Variants in EFCAB5 observed in about 807,000 individuals in gnomAD.
EFCAB5 encodes the protein EF-hand calcium-binding domain-containing protein 5.
EFCAB5 carries 131 observed loss-of-function variants against 167.9 expected under a neutral mutation model. The observed-to-expected ratio is 0.78, with a 90% CI of 0.68 to 0.90. The LOEUF (loss-of-function observed/expected upper bound fraction) is 0.90, where lower values mean the gene tolerates loss of function less well. Among genes scored for constraint, EFCAB5 ranks in the 40% least tolerant of loss-of-function variants. The probability of loss-of-function intolerance (pLI) is 0.00; values close to 1 mark genes in which losing one functional copy is unlikely to be tolerated. For missense variants in EFCAB5, 1,663 were observed against 1,745.2 expected (o/e 0.95, Z 0.84); for synonymous variants, 574 against 602.8 (o/e 0.95, Z 0.70).
intron 19 of EFCAB5, among the ~76,000 whole-genome samples, chr17:30,087,963 T>C (rs1207317918): frequency 1.3e-5 from 2 of 152,180 alleles, no homozygotes; most frequent in Non-Finnish European, 2.9e-5. Flanking sequence ...CTCTTGTTTT[T>C]TGACTTAAGA....
chr17:29,994,656 A>G (rs2068506355), intron 5 of EFCAB5, among the ~76,000 whole-genome samples: 1 of 152,208 alleles, frequency 6.6e-6, no homozygotes, highest in South Asian at 2.1e-4. Flanking sequence ...CAGGCCTGTA[A>G]TCCCAGCACT....
chr17:30,102,645 A>T (rs980483223), intron 22 of EFCAB5, among the ~76,000 whole-genome samples: 3 of 152,136 alleles, frequency 2.0e-5, no homozygotes, highest in African/African-American at 7.2e-5. Flanking sequence ...CTAGAAAAGC[A>T]TTATCCATTC....
intron 3 of EFCAB5, among the ~76,000 whole-genome samples, chr17:29,960,373 G>A (rs2067697490): frequency 6.6e-6 from 1 of 152,110 alleles, no homozygotes; most frequent in Admixed American, 6.5e-5. Flanking sequence ...CCTGTGAGGG[G>A]GATGATCACT....
chr17:30,089,130 C>T lies in EFCAB5; in HGVS notation c.3684-1291C>T, dbSNP rs147291647. Among the ~76,000 whole-genome samples, 1,447 of 152,114 alleles carry T rather than the reference C, an allele frequency of 9.5e-3. 16 individuals are homozygous for T. The highest frequency in any genetic ancestry group is 0.03 in the African/African-American group (1,234 of 41,476). Reference sequence around the variant, plus strand: ...GACAGGCCCCGGTGTGTGATGTTCCCCACCCTGTGTCCAAGTGTTCTCATT... The same window carrying T: ...GACAGGCCCCGGTGTGTGATGTTCCTCACCCTGTGTCCAAGTGTTCTCATT... On this transcript the variant is annotated intron_variant, in intron 19 of 22. Coordinates refer to ENST00000394835, the MANE Select transcript of EFCAB5 (RefSeq NM_198529.4).
intron 22 of EFCAB5, among the ~76,000 whole-genome samples, chr17:30,096,093 T>C (rs1358823459): frequency 1.3e-5 from 2 of 152,228 alleles, no homozygotes. Context: ...AGACAAGTAC[T>C]CATACAATGC....
At chr17:29,963,060 GC>G (rs2067753331) in intron 3 of EFCAB5, among the ~76,000 whole-genome samples, 1 of 151,944 alleles carries the variant, frequency 6.6e-6, no homozygotes, top group Non-Finnish European at 1.5e-5. Flanking sequence ...TCCCACCTTA[GC>G]CCCCCAAGTA....
rs751513300 is a variant in EFCAB5, at chr17:30,053,535, A to G, written c.1581A>G (p.Gln527=). 3.7e-6 allele frequency: 6 copies of G among 1,613,940 alleles called. No individual in the cohort carries two copies. The Admixed American group carries it at 5.0e-5, about 13-fold the overall frequency. Residue 527 remains glutamine (Q), a synonymous_variant, in exon 10 of 23, where the codon CAA becomes CAG. Coordinates refer to ENST00000394835, the MANE Select transcript of EFCAB5 (RefSeq NM_198529.4). ...GPQRISIEEQ[Q]QGKKPTAEQE... is the part of the protein sequence containing the mutation. ...AAAGAATTTCAATTGAAGAACAACA[A>G]CAAGGCAAAAAGCCAACTGCAGAGC...
At position 30,080,809 on chromosome 17, in the gene EFCAB5, G is replaced by C. The variant is rs769352054; in HGVS notation, c.3254G>C (p.Gly1085Ala). ...PIHVPQVQYH[G>A]NIFFWNQSRN... ...CATGTTCCCCAAGTTCAGTACCATG[G>C]GAACATCTTCTTCTGGAACCAGTCC... Residue 1085 changes from glycine to alanine, a missense_variant, in exon 17 of 23, where the codon GGG becomes GCG. Gly to Ala is a moderately conservative substitution (Grantham distance 60). Coordinates refer to ENST00000394835, the MANE Select transcript of EFCAB5 (RefSeq NM_198529.4). The C allele has an allele frequency of 1.2e-6, 2 of 1,612,940 alleles. No individual in the cohort carries two copies. The highest frequency in any genetic ancestry group is 1.7e-6 in the Non-Finnish European group (2 of 1,179,566).
intron 22 of EFCAB5, among the ~76,000 whole-genome samples, chr17:30,105,266 C>A (rs1276303360): frequency 6.6e-6 from 1 of 152,062 alleles, no homozygotes; most frequent in Non-Finnish European, 1.5e-5. Context: ...GAGGCCGGAT[C>A]ATCTGAGGTC....
At chr17:30,096,036 T>C (rs1472373742) in intron 22 of EFCAB5, among the ~76,000 whole-genome samples, 1 of 152,210 alleles carries the variant, frequency 6.6e-6, no homozygotes, top group Non-Finnish European at 1.5e-5. Flanking sequence ...TCCTTTGTCC[T>C]GGCAAGAGCC....
intron 8 of EFCAB5, among the ~76,000 whole-genome samples, chr17:30,041,949 C>T (rs1275623411): frequency 1.3e-5 from 2 of 151,976 alleles, no homozygotes; most frequent in Non-Finnish European, 2.9e-5. Context: ...ATCTATGGTA[C>T]ACTTAAGAGA....
rs558583188 is a variant in EFCAB5, at chr17:30,069,159, A to G, written c.2738-9056A>G. 25 of 1,544,138 alleles carry G rather than the reference A, an allele frequency of 1.6e-5. No individual in the cohort carries two copies. The South Asian group carries it at 2.6e-4, about 16-fold the overall frequency. ...TGGAACCAGAACCAAATGCAAAGAC[A>G]AGAGAATCCACATCTTCTGAGAAAG... On this transcript the variant is annotated intron_variant, in intron 14 of 22. Transcript: ENST00000394835.
intron 7 of EFCAB5, among the ~76,000 whole-genome samples, chr17:30,024,567 A>G (rs1052737008): frequency 6.6e-6 from 1 of 152,102 alleles, no homozygotes; most frequent in Non-Finnish European, 1.5e-5. Flanking sequence ...TTCCATGCTC[A>G]TGGGTAGGAA....
In EFCAB5 at chr17:30,078,377, G is replaced by T. The variant is rs761836070; in HGVS notation, c.2900G>T (p.Arg967Met). The T allele has an allele frequency of 1.2e-6, 2 of 1,614,020 alleles. No homozygotes were observed. Among genetic ancestry groups the T allele is most frequent in the South Asian group, 2.2e-5 (2 of 91,084 alleles). ...GAATTTCTGATGAATGCTTTAGAGAGGAGCCACATTGAGAGTCTGAGGAAT... is the reference window on the plus strand; with the variant it reads ...GAATTTCTGATGAATGCTTTAGAGATGAGCCACATTGAGAGTCTGAGGAAT... ...VVEFLMNALE[R>M]SHIESLRNSA... The change falls in exon 15 of 23, where the codon AGG becomes ATG. Residue 967 changes from arginine (R) to methionine (M), a missense_variant. Transcript: ENST00000394835.
chr17:30,009,741 G>C (rs1246498053), intron 7 of EFCAB5, among the ~76,000 whole-genome samples: 1 of 151,940 alleles, frequency 6.6e-6, no homozygotes, highest in Non-Finnish European at 1.5e-5. Context: ...CTGTTCTCTT[G>C]GGAGTGGAAT....
chr17:30,036,049 T>C (rs946837745), intron 8 of EFCAB5, among the ~76,000 whole-genome samples: 1 of 144,360 alleles, frequency 6.9e-6, no homozygotes, highest in African/African-American at 2.5e-5. Flanking sequence ...TTTGTATATA[T>C]TTTATATATA....
chr17:29,981,168 G>A (rs1311313901), intron 4 of EFCAB5, among the ~76,000 whole-genome samples: 1 of 152,048 alleles, frequency 6.6e-6, no homozygotes, highest in Admixed American at 6.6e-5. Context: ...GTTCCCCAAT[G>A]TGAACCCTTT....
In EFCAB5 at chr17:29,943,629, T is replaced by C. The variant is rs1229769880; in HGVS notation, c.170T>C (p.Met57Thr). The change falls in exon 3 of 23, where the codon ATG becomes ACG. Residue 57 changes from methionine to threonine, a missense_variant. Physicochemically the swap from Met to Thr is moderately conservative, Grantham distance 81. Transcript: ENST00000394835. ...ACCAACAGTGTGGTGGAGAAAGCAATGGATGAAATCAAATCCCAAGGTAGA... is the reference window on the plus strand; with the variant it reads ...ACCAACAGTGTGGTGGAGAAAGCAACGGATGAAATCAAATCCCAAGGTAGA... ...EDTNSVVEKA[M>T]DEIKSQELNL... is the part of the protein sequence containing the mutation. 1.3e-6 allele frequency: 2 copies of C among 1,581,088 alleles called. No homozygotes were observed. Among genetic ancestry groups the C allele is most frequent in the East Asian group, 2.3e-5 (1 of 43,506 alleles).
chr17:30,009,430 T>C (rs1186542024), intron 7 of EFCAB5, among the ~76,000 whole-genome samples: 3 of 152,186 alleles, frequency 2.0e-5, no homozygotes, highest in Non-Finnish European at 4.4e-5. Flanking sequence ...CACAAATCTC[T>C]TTCTGTCTCC....
Sources: allele counts gnomAD v4.1 joint callset (sites outside exome capture counted in the v4.1 genomes callset), GRCh38; gene constraint gnomAD v4.1.1; transcripts MANE v1.5; gene names NCBI Gene and HGNC (gene_info 2026-07-23, HGNC 2026-07-21).